The following ZFHX4 variants were observed in gnomAD, a reference collection of about 807,000 sequenced individuals.
ZFHX4 encodes the protein zinc finger homeobox protein 4.
In ZFHX4, 56 loss-of-function variants were observed where a neutral mutation model predicts 267.6. The observed-to-expected ratio is 0.21, with a 90% CI of 0.17 to 0.26. ZFHX4 has a LOEUF of 0.26. Among genes scored for constraint, ZFHX4 ranks in the 10% least tolerant of loss-of-function variants. The probability of loss-of-function intolerance (pLI) is 1.00; values close to 1 mark genes in which losing one functional copy is unlikely to be tolerated. For synonymous variants in ZFHX4, 1,778 were observed against 1,665.6 expected (o/e 1.07, Z -1.64); for missense variants, 4,332 against 4,420.0 (o/e 0.98, Z 0.56).
chr8:76,804,011 T>G (rs538687495), intron 4 of ZFHX4, among the ~76,000 whole-genome samples: 29 of 152,250 alleles, frequency 1.9e-4, no homozygotes, highest in African/African-American at 7.0e-4. Context: ...CTTTTTAATG[T>G]CTGAGAAAAT....
At chr8:76,859,283 G>A (rs188902724) in intron 10 of ZFHX4, among the ~76,000 whole-genome samples, 39 of 152,178 alleles carry the variant, frequency 2.6e-4, no homozygotes, top group African/African-American at 8.7e-4. Flanking sequence ...TTCCTAAACA[G>A]TGGCCAGCCC....
intron 3 of ZFHX4, among the ~76,000 whole-genome samples, chr8:76,773,936 A>G (rs150371914): frequency 6.6e-6 from 1 of 152,262 alleles, no homozygotes; most frequent in East Asian, 1.9e-4. Flanking sequence ...CTGTGAGAAG[A>G]CACGACAGAA....
In ZFHX4 at chr8:76,853,535, A is replaced by G; in HGVS notation, c.6614A>G (p.Asp2205Gly). Residue 2205 changes from aspartate to glycine, a missense_variant, in exon 10 of 11, where the codon GAT becomes GGT. Asp to Gly is a moderately conservative substitution (Grantham distance 94). This residue lies in a region of ZFHX4 where 48 missense variants were observed against 95.4 expected (regional missense o/e 0.50). Transcript: ENST00000651372. ...FSNPPITVLE[D>G]IRIDPQPTSL... ...AACCCTCCTATAACGGTTTTAGAAG[A>G]TATCAGAATTGATCCACAGCCCACC... The G allele has an allele frequency of 1.2e-6, 2 of 1,613,894 alleles. No homozygotes were observed. The highest frequency in any genetic ancestry group is 1.7e-6 in the Non-Finnish European group (2 of 1,179,874).
Position 76,855,109 on chromosome 8 carries a change from T to C in ZFHX4, c.8188T>C (p.Phe2730Leu), listed in dbSNP as rs781659465. 2 of 1,613,696 alleles carry C rather than the reference T, an allele frequency of 1.2e-6. No individual in the cohort carries two copies. The highest frequency in any genetic ancestry group is 8.5e-7 in the Non-Finnish European group (1 of 1,179,800). Reference protein sequence around the residue: ...GGESPQKYIYFDYPSLPLTKI... With the variant: ...GGESPQKYIYLDYPSLPLTKI... ...AGAAAGCCCACAGAAATACATCTAT[T>C]TTGATTACCCATCTTTGCCATTAAC... The change falls in exon 10 of 11, where the codon TTT becomes CTT. Residue 2730 changes from phenylalanine to leucine, a missense_variant. Coordinates refer to ENST00000651372, the MANE Select transcript of ZFHX4 (RefSeq NM_024721.5).
intron 3 of ZFHX4, among the ~76,000 whole-genome samples, chr8:76,731,891 T>C (rs995985474): frequency 6.7e-6 from 1 of 149,994 alleles, no homozygotes; most frequent in Non-Finnish European, 1.5e-5. Flanking sequence ...ATTATTATTA[T>C]TTTTGAGACA....
intron 3 of ZFHX4, among the ~76,000 whole-genome samples, chr8:76,725,283 G>C (rs149279603): frequency 6.6e-6 from 1 of 151,978 alleles, no homozygotes; most frequent in Non-Finnish European, 1.5e-5. Flanking sequence ...AAAAGTTATC[G>C]TATTTAACTA....
intron 10 of ZFHX4, 144 bp downstream of exon 10, chr8:76,856,444 G>A: frequency 1.0e-6 from 1 of 993,670 alleles, no homozygotes; most frequent in Non-Finnish European, 1.5e-6. Context: ...ATATTATATT[G>A]GCTATAGCTA....
At chr8:76,774,738 T>G (rs1810360779) in intron 3 of ZFHX4, among the ~76,000 whole-genome samples, 1 of 152,114 alleles carries the variant, frequency 6.6e-6, no homozygotes, top group African/African-American at 2.4e-5. Flanking sequence ...ATAACACATA[T>G]TCAGGTCTGT....
intron 1 of ZFHX4, among the ~76,000 whole-genome samples, chr8:76,685,237 C>T (rs1807662206): frequency 6.6e-6 from 1 of 152,184 alleles, no homozygotes; most frequent in Admixed American, 6.5e-5. Context: ...TGTGTCATTT[C>T]CACGAAGCCA....
intron 4 of ZFHX4, among the ~76,000 whole-genome samples, chr8:76,821,614 G>T (rs537837568): frequency 6.0e-5 from 9 of 150,644 alleles, no homozygotes; most frequent in African/African-American, 2.0e-4. Flanking sequence ...CTTCATTGGT[G>T]CTTCCTTGTT....
chr8:76,703,898 G>A (rs1257262638), intron 1 of ZFHX4, 145 bp from the exon 2 acceptor site: 13 of 616,408 alleles, frequency 2.1e-5, no homozygotes, highest in East Asian at 1.4e-4. Flanking sequence ...GTCCGTCTGT[G>A]ATAGATAGGC....
At chr8:76,812,952 T>A (rs2131848019) in intron 4 of ZFHX4, among the ~76,000 whole-genome samples, 1 of 152,300 alleles carries the variant, frequency 6.6e-6, no homozygotes, top group East Asian at 1.9e-4. Flanking sequence ...TTATTATGAA[T>A]GTTTAAGATA....
chr8:76,690,720 C>T (rs979329389), intron 1 of ZFHX4, among the ~76,000 whole-genome samples: 1 of 150,398 alleles, frequency 6.6e-6, no homozygotes, highest in Non-Finnish European at 1.5e-5. Context: ...AGAGTATATA[C>T]AGACAGACAC....
chr8:76,797,142 G>C (rs1435302495), intron 4 of ZFHX4, among the ~76,000 whole-genome samples: 1 of 152,196 alleles, frequency 6.6e-6, no homozygotes, highest in African/African-American at 2.4e-5. Flanking sequence ...TGTGTCTTGT[G>C]AGTATGGCTT....
rs770485449 is a variant in ZFHX4 at position 76,704,564 on chromosome 8, A to G, written c.476A>G (p.Lys159Arg). Residue 159 changes from lysine (K) to arginine (R), a missense_variant, in exon 2 of 11, where the codon AAA becomes AGA. Lys to Arg is a conservative substitution (Grantham distance 26). This residue lies in a region of ZFHX4 where 1,195 missense variants were observed against 1,173.6 expected (regional missense o/e 1.02). Transcript: ENST00000651372. ...GQNAQTGANS[K>R]LFSTAMFLDS... is the part of the protein sequence containing the mutation. Reference sequence around the variant, plus strand: ...AATGCACAGACTGGGGCAAATAGCAAACTCTTTTCTACAGCGATGTTCCTG... The same window carrying G: ...AATGCACAGACTGGGGCAAATAGCAGACTCTTTTCTACAGCGATGTTCCTG... The G allele has an allele frequency of 3.1e-6, 5 of 1,613,944 alleles. No individual in the cohort carries two copies. In the Admixed American group the frequency reaches 5.0e-5, roughly 16 times the overall value.
intron 4 of ZFHX4, chr8:76,782,032 C>T (rs1225986149): frequency 3.3e-6 from 1 of 305,050 alleles, no homozygotes; most frequent in Non-Finnish European, 6.6e-6. Flanking sequence ...ATGGAATTTC[C>T]ATTTTACTAG....
intron 5 of ZFHX4, among the ~76,000 whole-genome samples, chr8:76,834,818 C>T (rs1428302559): frequency 6.6e-6 from 1 of 151,812 alleles, no homozygotes; most frequent in Admixed American, 6.6e-5. Flanking sequence ...AAATTGTTGC[C>T]AAACCCAAAG....
In ZFHX4 at chr8:76,842,668, G is replaced by A. The variant is rs1825366; in HGVS notation, c.3408G>A (p.Glu1136=). 0.099 allele frequency: 153,425 copies of A among 1,550,338 alleles called. 16,041 individuals are homozygous for A. The highest frequency in any genetic ancestry group is 0.55 in the African/African-American group (40,177 of 72,934). ...QLRSTSEEQS[E]EAEGAIKPTA... The stretch of plus-strand genomic sequence containing the variant: ...CTTTCTTAACAGAAGAACAAAGTGA[G>A]GAGGCAGAAGGAGCTATTAAGCCTA... The change falls in exon 6 of 11, where the codon GAG becomes GAA. Residue 1136 remains glutamate, a synonymous_variant. Coordinates refer to ENST00000651372, the MANE Select transcript of ZFHX4 (RefSeq NM_024721.5).
chr8:76,719,230 A>G (rs1449631045), intron 3 of ZFHX4, among the ~76,000 whole-genome samples: 2 of 151,376 alleles, frequency 1.3e-5, no homozygotes, highest in African/African-American at 4.9e-5. Flanking sequence ...TAGAATATAT[A>G]AAAATGTATT....
Sources: gnomAD v4.1 joint callset for allele counts (sites outside exome capture counted in the v4.1 genomes callset) on GRCh38, gnomAD v4.1.1 for gene constraint, gnomAD v4.1.1 regional missense constraint, MANE v1.5 for transcripts, NCBI Gene and HGNC (gene_info 2026-07-23, HGNC 2026-07-21) for gene names.